AKAP6: variants seen among roughly 807,000 people sequenced by gnomAD.
AKAP6 encodes the protein A-kinase anchor protein 6.
In AKAP6, 58 loss-of-function variants were observed where a neutral mutation model predicts 188.5. That is an observed-to-expected ratio of 0.31 (90% CI 0.25 to 0.38). The LOEUF (loss-of-function observed/expected upper bound fraction) is 0.38. Among genes scored for constraint, AKAP6 ranks in the 10% least tolerant of loss-of-function variants. The probability of loss-of-function intolerance (pLI) is 1.00; values close to 1 mark genes in which losing one functional copy is unlikely to be tolerated. For synonymous variants in AKAP6, 989 were observed against 998.6 expected, an observed-to-expected ratio of 0.99 and a Z score of 0.18; for missense variants, 2,710 against 2,740.0, an observed-to-expected ratio of 0.99 and a Z score of 0.24.
intron 3 of AKAP6, among the ~76,000 whole-genome samples, chr14:32,540,211 T>A (rs1418139528): frequency 4.8e-5 from 7 of 146,114 alleles, no homozygotes; most frequent in South Asian, 4.3e-4. Flanking sequence ...TTTTATTTTT[T>A]TTTTTGAGAA....
rs184273662 is a variant in AKAP6, at chr14:32,372,204, T to C, written c.-35+42796T>C. ...CAGGTTGGGAACTGGGGAAGACTTG[T>C]TATGCAAATCAAAATTGTAACCACT... is the stretch of plus-strand genomic sequence containing the variant. On this transcript the variant is annotated intron_variant, in intron 1 of 13. Transcript: ENST00000280979. Among the ~76,000 whole-genome samples the C allele has an allele frequency of 2.6e-5, 4 of 152,302 alleles. No individual in the cohort carries two copies. In the East Asian group the frequency reaches 7.7e-4, roughly 29 times the overall value.
At chr14:32,383,051 T>G (rs1888419290) in intron 1 of AKAP6, among the ~76,000 whole-genome samples, 1 of 150,708 alleles carries the variant, frequency 6.6e-6, no homozygotes, top group Admixed American at 6.7e-5. Flanking sequence ...GAATTAGAGA[T>G]AGAATTTTGA....
At chr14:32,510,370 A>ATATATATGTGTATATATATATATGTG (rs1881118224) in intron 2 of AKAP6, among the ~76,000 whole-genome samples, 1 of 67,878 alleles carries the variant, frequency 1.5e-5, no homozygotes, top group Non-Finnish European at 2.8e-5. Context: ...ATATATGTGT[A>ATATATATGTGTATATATATATATGTG]TATATATGTG....
intron 11 of AKAP6, among the ~76,000 whole-genome samples, chr14:32,758,150 A>AAGATGG (rs1244586393): frequency 2.0e-5 from 3 of 152,200 alleles, no homozygotes; most frequent in Non-Finnish European, 4.4e-5. Flanking sequence ...AAGTGCTTAG[A>AAGATGG]AGATGGTAGA....
chr14:32,616,473 G>A (rs1225782259), intron 7 of AKAP6, among the ~76,000 whole-genome samples: 1 of 152,158 alleles, frequency 6.6e-6, no homozygotes, highest in Non-Finnish European at 1.5e-5. Flanking sequence ...GGATCTGGAG[G>A]CCATTATCCT....
At chr14:32,760,933 C>G (rs1955510) in intron 11 of AKAP6, among the ~76,000 whole-genome samples, 13,974 of 152,130 alleles carry the variant, frequency 0.092, 687 homozygotes, top group East Asian at 0.14. Flanking sequence ...ATTGGTTAAA[C>G]TTCTAAATGA....
At chr14:32,709,239 GCTCTTGTGGGAGT>G (rs933473108) in intron 9 of AKAP6, among the ~76,000 whole-genome samples, 15 of 152,024 alleles carry the variant, frequency 9.9e-5, no homozygotes, top group African/African-American at 3.6e-4. Context: ...GTGACAGCCA[GCTCTTGTGGGAGT>G]TTTGAGCTCA....
chr14:32,811,241 G>GAAAAAAAAAAAAAAAAAAAAAAA (rs529886144), intron 12 of AKAP6, among the ~76,000 whole-genome samples: 2 of 55,592 alleles, frequency 3.6e-5, no homozygotes, highest in Admixed American at 1.5e-4. Context: ...TCCGTCTCAG[G>GAAAAAAAAAAAAAAAAAAAAAAA]AAAAAAAAAA....
intron 1 of AKAP6, among the ~76,000 whole-genome samples, chr14:32,431,582 A>G (rs1363554975): frequency 1.3e-5 from 2 of 152,142 alleles, no homozygotes; most frequent in Admixed American, 1.3e-4. Context: ...ATCTCGGCTC[A>G]GCTCACTGCA....
At chr14:32,659,863 G>A (rs1888611196) in intron 7 of AKAP6, among the ~76,000 whole-genome samples, 1 of 151,938 alleles carries the variant, frequency 6.6e-6, no homozygotes, top group Non-Finnish European at 1.5e-5. Context: ...AGTCTCAGAG[G>A]GCTAAGATTT....
intron 9 of AKAP6, among the ~76,000 whole-genome samples, chr14:32,723,846 T>C (rs371597882): frequency 3.0e-4 from 46 of 152,342 alleles, no homozygotes; most frequent in African/African-American, 1.1e-3. Flanking sequence ...AGTTAGAATA[T>C]GAAAGAGAGA....
chr14:32,458,183 G>A (rs1214767955), intron 2 of AKAP6, among the ~76,000 whole-genome samples: 3 of 152,084 alleles, frequency 2.0e-5, no homozygotes, highest in African/African-American at 7.2e-5. Context: ...CCAAAGTAAA[G>A]TCTACTTAGA....
chr14:32,823,048 T>C lies in AKAP6; in HGVS notation c.5235T>C (p.Ala1745=), dbSNP rs1309533133. The change falls in exon 13 of 14, where the codon GCT becomes GCC. Residue 1745 remains alanine (A), a synonymous_variant. Coordinates refer to ENST00000280979, the MANE Select transcript of AKAP6 (RefSeq NM_004274.5). ...SMIVNVSCTS[A]CTDDEDDSDL... ...TTGTTAATGTCTCTTGCACCTCTGCTTGCACTGATGATGAAGATGACAGCG... is the reference window on the plus strand; with the variant it reads ...TTGTTAATGTCTCTTGCACCTCTGCCTGCACTGATGATGAAGATGACAGCG... 1.9e-6 allele frequency: 3 copies of C among 1,613,826 alleles called. No individual in the cohort carries two copies. In the South Asian group the frequency reaches 3.3e-5, roughly 18 times the overall value.
intron 2 of AKAP6, among the ~76,000 whole-genome samples, chr14:32,522,347 TTAAAC>T (rs567118741): frequency 1.4e-4 from 22 of 152,232 alleles, no homozygotes; most frequent in Admixed American, 4.6e-4. Context: ...TGGGATCTAA[TTAAAC>T]TAAAGAGCTT....
intron 11 of AKAP6, among the ~76,000 whole-genome samples, chr14:32,757,104 TGCCGAG>T (rs1190431061): frequency 6.6e-6 from 1 of 152,184 alleles, no homozygotes; most frequent in African/African-American, 2.4e-5. Flanking sequence ...CATGTTGTGC[TGCCGAG>T]GCTTGGGGAA....
At chr14:32,792,995 C>T (rs10129793) in intron 12 of AKAP6, among the ~76,000 whole-genome samples, 71,996 of 152,024 alleles carry the variant, frequency 0.47, 17,230 homozygotes, top group Non-Finnish European at 0.49. Flanking sequence ...TTCATCGCCA[C>T]CAGGCTTGCC....
chr14:32,823,633 T>C lies in AKAP6; in HGVS notation c.5820T>C (p.Asp1940=). 6.2e-7 allele frequency: 1 copy of C among 1,613,866 alleles called. No individual in the cohort carries two copies. The highest frequency in any genetic ancestry group is 1.3e-5 in the African/African-American group (1 of 75,026). The part of the protein sequence containing the change: ...SEHCKCKALM[D]SLDDSNTAGK... ...ATTGTAAGTGTAAAGCACTTATGGA[T>C]AGTTTAGATGATTCAAATACTGCTG... Residue 1940 remains aspartate, a synonymous_variant, in exon 13 of 14, where the codon GAT becomes GAC. Transcript: ENST00000280979.
chr14:32,681,347 G>A (rs1290413667), intron 8 of AKAP6, among the ~76,000 whole-genome samples: 3 of 152,130 alleles, frequency 2.0e-5, no homozygotes, highest in Non-Finnish European at 4.4e-5. Flanking sequence ...TTCAGTCTGT[G>A]TAAAGGAGAG....
rs777244203 is a variant in AKAP6, at chr14:32,545,488, G to T, written c.835G>T (p.Ala279Ser). The T allele has an allele frequency of 1.2e-6, 2 of 1,614,086 alleles. No homozygotes were observed. The highest frequency in any genetic ancestry group is 2.7e-5 in the African/African-American group (2 of 74,942). The change falls in exon 4 of 14, where the codon GCT becomes TCT. Residue 279 changes from alanine to serine, a missense_variant. Around this residue, in one of 2 missense-constraint regions of AKAP6, gnomAD observed 2,473 missense variants for 2,426.1 expected, o/e 1.02. Coordinates refer to ENST00000280979, the MANE Select transcript of AKAP6 (RefSeq NM_004274.5). ...AAGTGTTGGTTTACTTACGGTAGCTGCTGACTCTATCTCTACCAATGGCAG... is the reference window on the plus strand; with the variant it reads ...AAGTGTTGGTTTACTTACGGTAGCTTCTGACTCTATCTCTACCAATGGCAG... ...IRSVGLLTVAADSISTNGSEA... is the reference protein window; with the variant it reads ...IRSVGLLTVASDSISTNGSEA...
Sources: gnomAD v4.1 joint callset for allele counts (sites outside exome capture counted in the v4.1 genomes callset) on GRCh38, gnomAD v4.1.1 for gene constraint, gnomAD v4.1.1 regional missense constraint, MANE v1.5 for transcripts, NCBI Gene and HGNC (gene_info 2026-07-23, HGNC 2026-07-21) for gene names.